Variants in JAK2 observed in about 807,000 individuals in gnomAD.
JAK2 encodes tyrosine-protein kinase JAK2.
In JAK2, 86 loss-of-function variants were observed where a neutral mutation model predicts 139.3. The ratio of observed to expected loss-of-function variants is 0.62; its 90% CI spans 0.52 to 0.74. The LOEUF is 0.74. JAK2 is among the 30% of genes least tolerant of loss of function. JAK2 has a pLI of 0.00. For synonymous variants in JAK2, 490 were observed against 437.7 expected, an observed-to-expected ratio of 1.12 and a Z score of -1.49; for missense variants, 1,421 against 1,360.3, an observed-to-expected ratio of 1.04 and a Z score of -0.70.
intron 2 of JAK2, among the ~76,000 whole-genome samples, chr9:5,009,730 T>C (rs1199366994): frequency 6.6e-6 from 1 of 152,150 alleles, no homozygotes; most frequent in Non-Finnish European, 1.5e-5. Flanking sequence ...ACTGTTTTTA[T>C]GCTTATAGAT....
chr9:5,092,597 A>G (rs1392575420), intron 22 of JAK2, among the ~76,000 whole-genome samples: 1 of 152,200 alleles, frequency 6.6e-6, no homozygotes, highest in Non-Finnish European at 1.5e-5. Flanking sequence ...ACAGTACCGT[A>G]AGGGAAAGAT....
At chr9:5,040,676 T>G (rs1468940834) in intron 4 of JAK2, among the ~76,000 whole-genome samples, 1 of 152,200 alleles carries the variant, frequency 6.6e-6, no homozygotes, top group Non-Finnish European at 1.5e-5. Flanking sequence ...TTTTTCCAAA[T>G]AAGATATACA....
At chr9:5,070,202 C>T (rs1818863076) in intron 12 of JAK2, 150 bp downstream of exon 12, 1 of 472,002 alleles carries the variant, frequency 2.1e-6, no homozygotes, top group African/African-American at 2.0e-5. Context: ...ATATGCCAAC[C>T]TTGTGTTAGA....
intron 19 of JAK2, chr9:5,085,759 C>A (rs773211816): frequency 2.6e-6 from 2 of 754,768 alleles, no homozygotes; most frequent in Non-Finnish European, 5.0e-6. Context: ...CTAGCTTGCA[C>A]ATGTCGGGAG....
intron 13 of JAK2, among the ~76,000 whole-genome samples, chr9:5,073,464 C>G (rs775184526): frequency 2.0e-5 from 3 of 152,152 alleles, no homozygotes; most frequent in Non-Finnish European, 4.4e-5. Context: ...GATTCCTGTA[C>G]CACTCTTGCT....
intron 19 of JAK2, chr9:5,085,270 G>A: frequency 1.4e-6 from 1 of 692,322 alleles, no homozygotes; most frequent in Non-Finnish European, 2.8e-6. Context: ...CACATCAGCT[G>A]ATGTTGGTTT....
intron 2 of JAK2, among the ~76,000 whole-genome samples, chr9:5,018,952 C>G (rs181012161): frequency 6.6e-6 from 1 of 152,108 alleles, no homozygotes; most frequent in East Asian, 1.9e-4. Flanking sequence ...CTCTCTTTGT[C>G]TTTGACAAGC....
intron 2 of JAK2, among the ~76,000 whole-genome samples, chr9:5,004,409 A>G (rs1821136660): frequency 6.6e-6 from 1 of 152,056 alleles, no homozygotes; most frequent in Non-Finnish European, 1.5e-5. Flanking sequence ...GCCTAGCTTT[A>G]TTTCACTTAA....
chr9:5,079,066 C>T, intron 16 of JAK2, among the ~76,000 whole-genome samples: 1 of 152,270 alleles, frequency 6.6e-6, no homozygotes, highest in South Asian at 2.1e-4. Context: ...TTTTTGTGCA[C>T]TGATGTGTCC....
intron 22 of JAK2, among the ~76,000 whole-genome samples, chr9:5,113,342 T>C (rs1407660737): frequency 6.6e-6 from 1 of 150,628 alleles, no homozygotes; most frequent in Admixed American, 6.6e-5. Flanking sequence ...CTGTGGAAAC[T>C]TGGCTTATTC....
rs543606211 is a variant in JAK2 at position 5,123,888 on chromosome 9, CTTTTTT to C, written c.3177+774_3177+779del. Among the ~76,000 whole-genome samples, 845 of 142,200 alleles carry C rather than the reference CTTTTTT, an allele frequency of 5.9e-3. 4 individuals carry two copies. Among genetic ancestry groups the C allele is most frequent in the African/African-American group, 0.02 (779 of 38,968 alleles). The allele number at this position is 142,200 out of a possible 152,430, so 93.3% of individuals were successfully genotyped here. ...ATATCTCACTGGGGTAATTTTTTCT[CTTTTTT>C]TTTTTTGTCATTCTGACTGGAATAA... On this transcript the variant is annotated intron_variant, in intron 23 of 24. Transcript: ENST00000381652.
chr9:5,119,427 C>A (rs1823448975), intron 22 of JAK2, among the ~76,000 whole-genome samples: 1 of 151,022 alleles, frequency 6.6e-6, no homozygotes, highest in Non-Finnish European at 1.5e-5. Flanking sequence ...ATAATGAAAG[C>A]CTAAAAAAAA....
intron 12 of JAK2, among the ~76,000 whole-genome samples, chr9:5,070,416 T>C (rs1818877948): frequency 6.6e-6 from 1 of 151,976 alleles, no homozygotes; most frequent in Non-Finnish European, 1.5e-5. Flanking sequence ...AATCCAGCCA[T>C]CTCTCAGTGT....
At chr9:5,079,202 G>A (rs760384009) in intron 16 of JAK2, among the ~76,000 whole-genome samples, 2 of 152,084 alleles carry the variant, frequency 1.3e-5, no homozygotes, top group African/African-American at 2.4e-5. Context: ...CTGGTATCCT[G>A]GAAAATTTTA....
At chr9:5,116,190 T>C (rs1166044848) in intron 22 of JAK2, among the ~76,000 whole-genome samples, 2 of 152,192 alleles carry the variant, frequency 1.3e-5, no homozygotes. Context: ...ATTTTAAGCA[T>C]GGAGAACTGA....
At chr9:5,037,107 T>A (rs1816102430) in intron 4 of JAK2, among the ~76,000 whole-genome samples, 1 of 152,084 alleles carries the variant, frequency 6.6e-6, no homozygotes, top group South Asian at 2.1e-4. Context: ...CATGAAAAAA[T>A]GCTCATCACC....
At position 5,112,804 on chromosome 9, in the gene JAK2, C is replaced by T. The variant is rs1192232003; in HGVS notation, c.3060-10200C>T. The stretch of plus-strand genomic sequence containing the variant: ...GCCCCCAGATGGTGCTTTCAGCTGC[C>T]CACCTGGGCTTGAGTGAAGCCCACA... On this transcript the variant is annotated intron_variant, in intron 22 of 24. Transcript: ENST00000381652. 5 of 547,608 alleles carry T rather than the reference C, an allele frequency of 9.1e-6. No homozygotes were observed. The Admixed American group carries it at 1.5e-4, about 17-fold the overall frequency. 33.9% of individuals were successfully genotyped at this position (547,608 alleles called of 1,614,324 possible).
intron 22 of JAK2, chr9:5,100,610 A>C (rs1821397175): frequency 6.6e-6 from 1 of 152,254 alleles, no homozygotes; most frequent in African/African-American, 2.4e-5. Flanking sequence ...TTTCCCCTCA[A>C]ACGCTTAGAA....
At chr9:5,032,737 C>G (rs1429983192) in intron 4 of JAK2, among the ~76,000 whole-genome samples, 1 of 152,100 alleles carries the variant, frequency 6.6e-6, no homozygotes, top group Non-Finnish European at 1.5e-5. Flanking sequence ...ACACCAAAAC[C>G]CCATCTGTAT....
Sources: allele counts gnomAD v4.1 joint callset (sites outside exome capture counted in the v4.1 genomes callset), GRCh38; gene constraint gnomAD v4.1.1; transcripts MANE v1.5; gene names NCBI Gene and HGNC (gene_info 2026-07-23, HGNC 2026-07-21).